The following DMD variants were observed in gnomAD, a reference collection of about 807,000 sequenced individuals.
DMD encodes mutant dystrophin.
In DMD, 63 loss-of-function variants were observed where a neutral mutation model predicts 330.1. The ratio of observed to expected loss-of-function variants is 0.19; its 90% CI spans 0.16 to 0.24. The LOEUF (loss-of-function observed/expected upper bound fraction) is 0.24, where lower values mean the gene tolerates loss of function less well. Among genes scored for constraint, DMD ranks in the 10% least tolerant of loss-of-function variants. The pLI is 1.00. For synonymous variants in DMD, 1,223 were observed against 959.8 expected (o/e 1.27, Z -5.07); for missense variants, 3,344 against 2,684.1 (o/e 1.25, Z -5.43).
chrX:32,849,104 G>A (rs184431850), intron 3 of DMD, among the ~76,000 whole-genome samples: 3 of 111,520 alleles, frequency 2.7e-5, no homozygotes, highest in Non-Finnish European at 5.7e-5. Context: ...ACTATAGACT[G>A]GGGGCTTAAA....
At chrX:32,675,831 G>A (rs781024065) in intron 9 of DMD, among the ~76,000 whole-genome samples, 1 of 111,950 alleles carries the variant, frequency 8.9e-6, no homozygotes, top group Non-Finnish European at 1.9e-5. Context: ...ATTAATGTAT[G>A]AAAAGTGTTT....
chrX:31,538,026 G>A (rs1468096290), intron 55 of DMD, among the ~76,000 whole-genome samples: 2 of 112,174 alleles, frequency 1.8e-5, no homozygotes, highest in African/African-American at 3.2e-5. Flanking sequence ...ATTAATGCAC[G>A]TAGGTTTTGG....
chrX:32,596,325 T>A (rs1267640154), intron 12 of DMD, among the ~76,000 whole-genome samples: 1 of 109,540 alleles, frequency 9.1e-6, no homozygotes, highest in Non-Finnish European at 1.9e-5. Context: ...AAATGTATCC[T>A]ATAGTTACTG....
rs189953643 is a variant in DMD, at chrX:32,419,605, T to C, written c.4072-7692A>G. Reference sequence around the variant, plus strand: ...CATTATTCACGAAAGGCTTCTAGATTTATGTTTTGTTAATGTCACTAGGTT... The same window carrying C: ...CATTATTCACGAAAGGCTTCTAGATCTATGTTTTGTTAATGTCACTAGGTT... On this transcript the variant is annotated intron_variant, in intron 29 of 78. Coordinates refer to ENST00000357033, the MANE Select transcript of DMD (RefSeq NM_004006.3). Among the ~76,000 whole-genome samples, 23 of 112,215 alleles carry C rather than the reference T, an allele frequency of 2.0e-4. No individual in the cohort carries two copies. The East Asian group carries it at 6.4e-3, about 31-fold the overall frequency.
intron 50 of DMD, among the ~76,000 whole-genome samples, chrX:31,786,863 G>A (rs763786418): frequency 1.4e-3 from 151 of 111,705 alleles, no homozygotes; most frequent in African/African-American, 4.8e-3. Context: ...GTGTGGATGA[G>A]CTTTTCTCTC....
chrX:32,765,512 CTCTTT>C (rs2072870418), intron 7 of DMD, among the ~76,000 whole-genome samples: 1 of 111,292 alleles, frequency 9.0e-6, no homozygotes, highest in African/African-American at 3.3e-5. Context: ...CCAATTAAAC[CTCTTT>C]TCTTTATAAT....
At chrX:32,765,553 G>T (rs968508871) in intron 7 of DMD, among the ~76,000 whole-genome samples, 16 of 111,530 alleles carry the variant, frequency 1.4e-4, no homozygotes, top group African/African-American at 4.9e-4. Context: ...TATTTCTTTA[G>T]AGCAATGCAA....
At chrX:31,161,303 A>T (rs73617050) in intron 74 of DMD, among the ~76,000 whole-genome samples, 427 of 111,961 alleles carry the variant, frequency 3.8e-3, no homozygotes, top group African/African-American at 0.013. Context: ...CAAATCAACT[A>T]TGCTAATCCC....
intron 55 of DMD, among the ~76,000 whole-genome samples, chrX:31,559,009 T>C (rs2075024802): frequency 8.9e-6 from 1 of 111,842 alleles, no homozygotes; most frequent in Non-Finnish European, 1.9e-5. Flanking sequence ...TCAGAAGAAA[T>C]AATTCAAATT....
At chrX:33,273,174 C>T (rs2053186662) in intron 1 of DMD, among the ~76,000 whole-genome samples, 1 of 112,249 alleles carries the variant, frequency 8.9e-6, no homozygotes, top group Non-Finnish European at 1.9e-5. Context: ...AATGTAACAT[C>T]AAACAGTGAC....
intron 67 of DMD, among the ~76,000 whole-genome samples, chrX:31,187,165 G>A (rs754247675): frequency 2.7e-5 from 3 of 112,518 alleles, no homozygotes; most frequent in Non-Finnish European, 5.6e-5. Context: ...TTATGATTAC[G>A]TGAGTCAGCA....
rs200997841 is a variant in DMD at position 32,485,108 on chromosome X, T to C, written c.2623-9A>G. On this transcript the variant is annotated splice_polypyrimidine_tract_variant and intron_variant, in intron 20 of 78. Transcript: ENST00000357033. ...AGCCGGTTGACTTCATCCTGTGCCA[T>C]AGAGTATGGAAAGTAAGTAACACGT... The C allele has an allele frequency of 5.6e-5, 67 of 1,202,350 alleles. No homozygotes were observed. In the Middle Eastern group the frequency reaches 6.9e-4, roughly 12 times the overall value.
At chrX:32,728,068 G>T (rs983769791) in intron 7 of DMD, among the ~76,000 whole-genome samples, 1 of 111,476 alleles carries the variant, frequency 9.0e-6, no homozygotes, top group African/African-American at 3.3e-5. Context: ...CAGTTAGGCA[G>T]GGATTGTTAC....
intron 2 of DMD, among the ~76,000 whole-genome samples, chrX:32,882,193 C>T (rs759021856): frequency 8.1e-4 from 91 of 111,898 alleles, no homozygotes; most frequent in Middle Eastern, 4.6e-3. Flanking sequence ...GCACCAGCCA[C>T]GTAGCAGCCC....
intron 32 of DMD, among the ~76,000 whole-genome samples, chrX:32,388,894 A>C (rs1165916046): frequency 8.9e-6 from 1 of 111,779 alleles, no homozygotes; most frequent in Non-Finnish European, 1.9e-5. Flanking sequence ...ACCGTTCAAT[A>C]TTATAAAGTT....
At chrX:31,609,057 G>A (rs931010467) in intron 55 of DMD, among the ~76,000 whole-genome samples, 1 of 112,001 alleles carries the variant, frequency 8.9e-6, no homozygotes, top group Admixed American at 9.5e-5. Flanking sequence ...ATATTTACCC[G>A]TGCTAGATGA....
intron 44 of DMD, among the ~76,000 whole-genome samples, chrX:32,102,701 T>A (rs961524400): frequency 1.9e-4 from 21 of 111,745 alleles, no homozygotes; most frequent in Non-Finnish European, 3.8e-4. Flanking sequence ...CATCTTCTGA[T>A]GAATAAGAAA....
At chrX:31,892,287 T>A (rs1412104084) in intron 47 of DMD, among the ~76,000 whole-genome samples, 2 of 111,422 alleles carry the variant, frequency 1.8e-5, no homozygotes, top group African/African-American at 3.3e-5. Context: ...CAGAAAAAAA[T>A]TAATTTTTAA....
intron 1 of DMD, among the ~76,000 whole-genome samples, chrX:33,163,251 T>G (rs2048856050): frequency 9.0e-6 from 1 of 110,892 alleles, no homozygotes; most frequent in Non-Finnish European, 1.9e-5. Context: ...CTTTTAAAAA[T>G]ACAGGCCGGG....
Sources: allele counts gnomAD v4.1 joint callset (sites outside exome capture counted in the v4.1 genomes callset), GRCh38; gene constraint gnomAD v4.1.1; transcripts MANE v1.5; gene names NCBI Gene and HGNC (gene_info 2026-07-23, HGNC 2026-07-21).